Variants in FOXJ3 observed in about 807,000 individuals in gnomAD.
FOXJ3 encodes forkhead box protein J3.
In FOXJ3, 22 loss-of-function variants were observed where a neutral mutation model predicts 76.1. The ratio of observed to expected loss-of-function variants is 0.29; its 90% confidence interval spans 0.21 to 0.41. The LOEUF (loss-of-function observed/expected upper bound fraction) is 0.41, where lower values mean the gene tolerates loss of function less well. FOXJ3 is among the 10% of genes least tolerant of loss of function. The probability of loss-of-function intolerance (pLI) is 1.00; values close to 1 mark genes in which losing one functional copy is unlikely to be tolerated. For synonymous variants in FOXJ3, 269 were observed against 261.2 expected (o/e 1.03, Z -0.29); for missense variants, 613 against 762.1 (o/e 0.80, Z 2.30).
intron 3 of FOXJ3, among the ~76,000 whole-genome samples, chr1:42,278,126 T>C (rs1652430844): frequency 6.6e-6 from 1 of 152,202 alleles, no homozygotes; most frequent in Admixed American, 6.5e-5. Flanking sequence ...CCGCTCTTAC[T>C]TTATGCTACA....
intron 11 of FOXJ3, among the ~76,000 whole-genome samples, chr1:42,187,976 A>AAT (rs1646470472): frequency 1.3e-5 from 2 of 152,254 alleles, no homozygotes; most frequent in Non-Finnish European, 2.9e-5. Flanking sequence ...CTTGACTTGA[A>AAT]TAAACTCAAA....
chr1:42,307,816 A>C (rs1654558633), intron 2 of FOXJ3, among the ~76,000 whole-genome samples: 1 of 152,210 alleles, frequency 6.6e-6, no homozygotes, highest in Non-Finnish European at 1.5e-5. Flanking sequence ...TAAAAAAGGC[A>C]AGTTCTGTCT....
chr1:42,328,003 A>T (rs1300339757), intron 1 of FOXJ3, among the ~76,000 whole-genome samples: 1 of 152,158 alleles, frequency 6.6e-6, no homozygotes, highest in Non-Finnish European at 1.5e-5. Context: ...ACTCTCTAAA[A>T]ATTCCCACCC....
At chr1:42,290,848 T>A (rs1314118427) in intron 2 of FOXJ3, among the ~76,000 whole-genome samples, 1 of 152,130 alleles carries the variant, frequency 6.6e-6, no homozygotes, top group African/African-American at 2.4e-5. Context: ...TAAATATGAA[T>A]ACCCTAATTT....
intron 3 of FOXJ3, among the ~76,000 whole-genome samples, chr1:42,272,339 A>G (rs186803359): frequency 6.6e-6 from 1 of 152,388 alleles, no homozygotes; most frequent in African/African-American, 2.4e-5. Flanking sequence ...GTGAATGGGA[A>G]GTAAAATAGA....
chr1:42,178,893 C>T lies in FOXJ3; in HGVS notation c.*817G>A, dbSNP rs533744898. 3.3e-5 allele frequency: 5 copies of T among 152,756 alleles called. No homozygotes were observed. The highest frequency in any genetic ancestry group is 2.1e-4 in the South Asian group (1 of 4,826). 9.5% of individuals were successfully genotyped at this position (152,756 alleles called of 1,614,324 possible). Reference sequence around the variant, plus strand: ...AAGGTAGCAATAAATATTAAAATGACACTTTTGAATAATAAATACATAGGT... The same window carrying T: ...AAGGTAGCAATAAATATTAAAATGATACTTTTGAATAATAAATACATAGGT... On this transcript the variant is annotated 3_prime_UTR_variant, in exon 13 of 13. Coordinates refer to ENST00000361346, the MANE Select transcript of FOXJ3 (RefSeq NM_014947.5).
At chr1:42,333,685 A>G (rs2124801984) in intron 1 of FOXJ3, among the ~76,000 whole-genome samples, 1 of 152,284 alleles carries the variant, frequency 6.6e-6, no homozygotes, top group South Asian at 2.1e-4. Flanking sequence ...AAACAGCAAA[A>G]CAGAAGATGG....
chr1:42,243,207 G>C (rs1303533184), intron 4 of FOXJ3, among the ~76,000 whole-genome samples: 2 of 150,554 alleles, frequency 1.3e-5, no homozygotes, highest in Non-Finnish European at 3.0e-5. Flanking sequence ...ATGAGCAAAA[G>C]GATGGTATTT....
At chr1:42,291,025 T>TATAGATAG (rs80123722) in intron 2 of FOXJ3, among the ~76,000 whole-genome samples, 89 of 134,318 alleles carry the variant, frequency 6.6e-4, no homozygotes, top group Middle Eastern at 3.9e-3. Context: ...AAAAGACCCA[T>TATAGATAG]ATAGATAGAT....
chr1:42,297,761 C>T (rs1023846083), intron 2 of FOXJ3, among the ~76,000 whole-genome samples: 6 of 151,792 alleles, frequency 4.0e-5, no homozygotes, highest in Non-Finnish European at 8.8e-5. Flanking sequence ...GGTGTCCTCA[C>T]CTGACTTTGA....
chr1:42,254,127 AAAC>A (rs1217713975), intron 4 of FOXJ3, among the ~76,000 whole-genome samples: 4 of 152,160 alleles, frequency 2.6e-5, no homozygotes, highest in African/African-American at 9.7e-5. Flanking sequence ...GAAAAAAAAC[AAAC>A]AACCCCATCA....
chr1:42,243,768 T>C (rs544814936), intron 4 of FOXJ3, among the ~76,000 whole-genome samples: 6 of 152,038 alleles, frequency 3.9e-5, no homozygotes, highest in Non-Finnish European at 8.8e-5. Context: ...CAGATACGTA[T>C]AACAAGTATC....
chr1:42,311,014 T>C (rs1040521981), intron 2 of FOXJ3, 36 bp downstream of exon 2: 1 of 1,335,854 alleles, frequency 7.5e-7, no homozygotes. Context: ...TAAAATGTTA[T>C]ATGTTCTAAT....
rs1646259941 is a variant in FOXJ3 at position 42,178,695 on chromosome 1, G to C, written c.*1015C>G. ...AGCTACTCGGGAGGCTGAGGCAGGA[G>C]AATTGCTTGAACCCGGGAGGCGGAG... is the stretch of plus-strand genomic sequence containing the variant. On this transcript the variant is annotated 3_prime_UTR_variant, in exon 13 of 13. Transcript: ENST00000361346. The C allele has an allele frequency of 6.6e-6, 1 of 152,494 alleles. No individual in the cohort carries two copies. 9.4% of individuals were successfully genotyped at this position (152,494 alleles called of 1,614,324 possible).
chr1:42,297,964 G>C (rs1213750339), intron 2 of FOXJ3, among the ~76,000 whole-genome samples: 2 of 152,032 alleles, frequency 1.3e-5, no homozygotes, highest in Non-Finnish European at 2.9e-5. Flanking sequence ...ATAAGGTTTG[G>C]CTGTGTCCCT....
intron 4 of FOXJ3, among the ~76,000 whole-genome samples, chr1:42,250,451 A>G (rs1490591021): frequency 6.6e-6 from 1 of 152,200 alleles, no homozygotes; most frequent in Non-Finnish European, 1.5e-5. Context: ...GGGACATCAC[A>G]TAAGTCCTAA....
intron 1 of FOXJ3, chr1:42,323,633 C>A: frequency 1.2e-6 from 1 of 864,662 alleles, no homozygotes; most frequent in Non-Finnish European, 1.4e-6. Context: ...AAACCCATAG[C>A]TCTTAGTATC....
At chr1:42,263,925 GTTAACT>G (rs1651259250) in intron 4 of FOXJ3, among the ~76,000 whole-genome samples, 1 of 133,346 alleles carries the variant, frequency 7.5e-6, no homozygotes, top group Non-Finnish European at 1.6e-5. Flanking sequence ...ATATGAGTAG[GTTAACT>G]TTTTTTTTTT....
intron 4 of FOXJ3, among the ~76,000 whole-genome samples, chr1:42,234,080 T>C (rs893004225): frequency 7.9e-5 from 12 of 152,262 alleles, no homozygotes; most frequent in Admixed American, 1.3e-4. Context: ...CCATATTTCT[T>C]GGAGACTTTG....
Sources: allele counts gnomAD v4.1 joint callset (sites outside exome capture counted in the v4.1 genomes callset), GRCh38; gene constraint gnomAD v4.1.1; transcripts MANE v1.5; gene names NCBI Gene and HGNC (gene_info 2026-07-23, HGNC 2026-07-21).